ADAMTS3: variants seen among roughly 807,000 people sequenced by gnomAD.
ADAMTS3 encodes the protein A disintegrin and metalloproteinase with thrombospondin motifs 3.
ADAMTS3 carries 73 observed loss-of-function variants against 129.0 expected under a neutral mutation model. The observed-to-expected ratio is 0.57, with a 90% CI of 0.47 to 0.69. The LOEUF (loss-of-function observed/expected upper bound fraction) is 0.69, where lower values mean the gene tolerates loss of function less well. Among genes scored for constraint, ADAMTS3 ranks in the 30% least tolerant of loss-of-function variants. The pLI is 0.00. For missense variants in ADAMTS3, 1,457 were observed against 1,514.5 expected (o/e 0.96, Z 0.63); for synonymous variants, 477 against 510.8 (o/e 0.93, Z 0.89).
Position 72,281,775 on chromosome 4 carries a change from G to T in ADAMTS3, c.*1361C>A, listed in dbSNP as rs1208125970. The T allele has an allele frequency of 6.6e-6, 1 of 151,486 alleles. No individual in the cohort carries two copies. The highest frequency in any genetic ancestry group is 1.5e-5 in the Non-Finnish European group (1 of 67,924). 9.4% of individuals were successfully genotyped at this position (151,486 alleles called of 1,614,324 possible). A position where few individuals can be genotyped will look rare whatever the true frequency, so the allele number is the denominator to read the frequency against. ...CTCTAGTTTACCAAAATATGTAATTGATATTAGTGTAAATATTTAGTACAT... is the reference window on the plus strand; with the variant it reads ...CTCTAGTTTACCAAAATATGTAATTTATATTAGTGTAAATATTTAGTACAT... On this transcript the variant is annotated 3_prime_UTR_variant, in exon 22 of 22. Transcript: ENST00000286657.
intron 4 of ADAMTS3, among the ~76,000 whole-genome samples, chr4:72,376,753 A>T (rs970239857): frequency 3.3e-5 from 5 of 152,180 alleles, no homozygotes; most frequent in African/African-American, 1.2e-4. Context: ...CCAAGGCCCA[A>T]CCTCACAAAT....
At chr4:72,442,987 A>T (rs1718158950) in intron 3 of ADAMTS3, among the ~76,000 whole-genome samples, 1 of 151,772 alleles carries the variant, frequency 6.6e-6, no homozygotes, top group Admixed American at 6.6e-5. Context: ...TAATAGTAAT[A>T]CTACAACGAT....
intron 3 of ADAMTS3, among the ~76,000 whole-genome samples, chr4:72,482,609 A>G (rs1016995231): frequency 2.0e-5 from 3 of 152,176 alleles, no homozygotes; most frequent in African/African-American, 7.2e-5. Flanking sequence ...ATCAATGTCA[A>G]TATTCTATTG....
chr4:72,435,800 T>C (rs1722806531), intron 3 of ADAMTS3, among the ~76,000 whole-genome samples: 1 of 151,974 alleles, frequency 6.6e-6, no homozygotes, highest in Admixed American at 6.6e-5. Flanking sequence ...TGGCTAGCCA[T>C]ATGTAGAAAG....
At chr4:72,437,993 T>C (rs528332165) in intron 3 of ADAMTS3, among the ~76,000 whole-genome samples, 2 of 151,768 alleles carry the variant, frequency 1.3e-5, no homozygotes, top group South Asian at 2.1e-4. Context: ...TGAGTTCCCA[T>C]AAATGTTTTT....
In ADAMTS3 at chr4:72,466,614, T is replaced by G. The variant is rs367929847; in HGVS notation, c.505-51643A>C. Among the ~76,000 whole-genome samples the G allele has an allele frequency of 4.1e-4, 62 of 152,116 alleles. 2 individuals are homozygous for G. The South Asian group carries it at 0.013, about 31-fold the overall frequency. On this transcript the variant is annotated intron_variant, in intron 3 of 21. Transcript: ENST00000286657. ...TTGATTCTAATGGTTTTGTCTTGGA[T>G]GTAATGCTATTTCTAATTTCCCTGC...
At chr4:72,442,742 G>A (rs563016080) in intron 3 of ADAMTS3, among the ~76,000 whole-genome samples, 71 of 151,934 alleles carry the variant, frequency 4.7e-4, no homozygotes, top group African/African-American at 1.5e-3. Context: ...AGCACCCAGA[G>A]TGCCAAAGGG....
chr4:72,364,212 A>C (rs1039184069), intron 4 of ADAMTS3, among the ~76,000 whole-genome samples: 43 of 151,772 alleles, frequency 2.8e-4, no homozygotes, highest in Admixed American at 2.0e-3. Flanking sequence ...ATGTACACAC[A>C]CGCACAAACA....
intron 3 of ADAMTS3, among the ~76,000 whole-genome samples, chr4:72,484,026 A>G (rs910712019): frequency 7.9e-5 from 12 of 152,020 alleles, no homozygotes; most frequent in Admixed American, 6.6e-5. Flanking sequence ...TCAAAAAAGA[A>G]AGAAAGAAAA....
At chr4:72,383,677 G>T (rs184893434) in intron 4 of ADAMTS3, among the ~76,000 whole-genome samples, 2 of 152,108 alleles carry the variant, frequency 1.3e-5, no homozygotes, top group African/African-American at 4.8e-5. Flanking sequence ...CCACAGTGTC[G>T]GTCTAAAACA....
chr4:72,459,978 C>T (rs908956609), intron 3 of ADAMTS3, among the ~76,000 whole-genome samples: 2 of 151,374 alleles, frequency 1.3e-5, no homozygotes, highest in African/African-American at 2.4e-5. Flanking sequence ...AGTTCAGGTG[C>T]GAAATTTTCC....
intron 3 of ADAMTS3, among the ~76,000 whole-genome samples, chr4:72,530,012 TATATTATATTTATATATAAATATA>T (rs1720943850): frequency 1.1e-4 from 1 of 9,176 alleles, no homozygotes; most frequent in Non-Finnish European, 2.0e-4. Flanking sequence ...TAATATATAA[TATATTATATTTATATATAAATATA>T]ATATATTATA....
At chr4:72,346,722 G>A (rs1051514574) in intron 4 of ADAMTS3, among the ~76,000 whole-genome samples, 2 of 151,950 alleles carry the variant, frequency 1.3e-5, no homozygotes, top group African/African-American at 4.8e-5. Flanking sequence ...AAACCTACTC[G>A]TTGTTATAGC....
chr4:72,411,962 T>A (rs1434554), intron 4 of ADAMTS3, among the ~76,000 whole-genome samples: 101,732 of 151,906 alleles, frequency 0.67, 34,714 homozygotes, highest in South Asian at 0.8. Flanking sequence ...TTTTAATGTA[T>A]AACACTTGCA....
intron 4 of ADAMTS3, among the ~76,000 whole-genome samples, chr4:72,364,758 A>G (rs1720827367): frequency 6.6e-6 from 1 of 152,166 alleles, no homozygotes; most frequent in East Asian, 1.9e-4. Context: ...TTAATTTTTA[A>G]AAAAATGTTA....
intron 15 of ADAMTS3, among the ~76,000 whole-genome samples, chr4:72,308,559 C>G (rs1719148159): frequency 6.6e-6 from 1 of 151,930 alleles, no homozygotes. Context: ...AACACCACAT[C>G]AAATTTATCT....
At chr4:72,365,078 C>T (rs1720836129) in intron 4 of ADAMTS3, among the ~76,000 whole-genome samples, 2 of 152,196 alleles carry the variant, frequency 1.3e-5, no homozygotes, top group African/African-American at 2.4e-5. Context: ...AGGAGGCACT[C>T]AGCAAATAAT....
At chr4:72,504,587 A>G (rs1450087066) in intron 3 of ADAMTS3, among the ~76,000 whole-genome samples, 1 of 152,014 alleles carries the variant, frequency 6.6e-6, no homozygotes, top group African/African-American at 2.4e-5. Flanking sequence ...TGTTCTCTGG[A>G]TTTCTTATAC....
chr4:72,553,248 C>T (rs1464017054), intron 2 of ADAMTS3, among the ~76,000 whole-genome samples: 1 of 152,078 alleles, frequency 6.6e-6, no homozygotes, highest in Non-Finnish European at 1.5e-5. Flanking sequence ...CCCTACAAAC[C>T]AAACATTTCT....
Sources: allele counts gnomAD v4.1 joint callset (sites outside exome capture counted in the v4.1 genomes callset), GRCh38; gene constraint gnomAD v4.1.1; transcripts MANE v1.5; gene names NCBI Gene and HGNC (gene_info 2026-07-23, HGNC 2026-07-21).